PCDH15: variants seen among roughly 807,000 people sequenced by gnomAD.
The protein encoded by PCDH15 is protocadherin related 15, also known as protocadherin-15.
In PCDH15, 129 loss-of-function variants were observed where a neutral mutation model predicts 178.5. The ratio of observed to expected loss-of-function variants is 0.72; its 90% CI spans 0.63 to 0.84. The LOEUF (loss-of-function observed/expected upper bound fraction) is 0.84. Among genes scored for constraint, PCDH15 ranks in the 40% least tolerant of loss-of-function variants. The probability of loss-of-function intolerance (pLI) is 0.00; values close to 1 mark genes in which losing one functional copy is unlikely to be tolerated. For synonymous variants in PCDH15, 800 were observed against 732.0 expected, an observed-to-expected ratio of 1.09 and a Z score of -1.50; for missense variants, 2,230 against 2,099.9, an observed-to-expected ratio of 1.06 and a Z score of -1.21.
chr10:53,892,044 T>C (rs79444337), intron 26 of PCDH15, among the ~76,000 whole-genome samples: 15 of 145,030 alleles, frequency 1.0e-4, no homozygotes, highest in Admixed American at 6.8e-5. Flanking sequence ...TTTTTTTTTT[T>C]CCAAGACAGA....
chr10:54,615,254 G>A (rs1565750738), intron 2 of PCDH15, among the ~76,000 whole-genome samples: 2 of 152,132 alleles, frequency 1.3e-5, no homozygotes, highest in Non-Finnish European at 2.9e-5. Context: ...ATTTCTATTG[G>A]CAGCCATAAG....
At chr10:55,538,296 A>G (rs1338119136) in intron 2 of PCDH15, among the ~76,000 whole-genome samples, 1 of 152,232 alleles carries the variant, frequency 6.6e-6, no homozygotes, top group Non-Finnish European at 1.5e-5. Context: ...TTACAGATTT[A>G]TTGGAATCAC....
chr10:54,511,960 C>T (rs566336451), intron 3 of PCDH15, among the ~76,000 whole-genome samples: 2 of 151,996 alleles, frequency 1.3e-5, no homozygotes, highest in African/African-American at 4.8e-5. Flanking sequence ...ATACCATAAC[C>T]CTTGATTTTA....
chr10:55,315,107 A>G (rs1843689668), intron 1 of PCDH15, among the ~76,000 whole-genome samples: 2 of 152,144 alleles, frequency 1.3e-5, no homozygotes, highest in Admixed American at 6.5e-5. Flanking sequence ...TCTAGTTAAT[A>G]TATATGTGAA....
intron 33 of PCDH15, among the ~76,000 whole-genome samples, chr10:53,819,276 C>T (rs1331776585): frequency 6.6e-6 from 1 of 152,020 alleles, no homozygotes; most frequent in African/African-American, 2.4e-5. Flanking sequence ...CTTCTGACTC[C>T]TTTTATTAGC....
At chr10:54,372,848 C>G (rs1028587247) in intron 4 of PCDH15, among the ~76,000 whole-genome samples, 1 of 151,690 alleles carries the variant, frequency 6.6e-6, no homozygotes, top group Non-Finnish European at 1.5e-5. Context: ...ATACTCTGAA[C>G]GTATACTTGC....
intron 2 of PCDH15, among the ~76,000 whole-genome samples, chr10:55,559,835 T>C (rs924112844): frequency 2.6e-5 from 4 of 151,792 alleles, no homozygotes; most frequent in African/African-American, 4.8e-5. Context: ...TAAAGAAAAA[T>C]GTTTTTCAAC....
chr10:54,269,863 T>C (rs2132466227), intron 8 of PCDH15, among the ~76,000 whole-genome samples: 1 of 152,150 alleles, frequency 6.6e-6, no homozygotes, highest in South Asian at 2.1e-4. Context: ...CAAGGACCCA[T>C]AAATATTCTA....
chr10:54,964,642 T>C (rs933700310), intron 2 of PCDH15, among the ~76,000 whole-genome samples: 1 of 152,142 alleles, frequency 6.6e-6, no homozygotes, highest in Non-Finnish European at 1.5e-5. Flanking sequence ...CAAAAACCTA[T>C]AAGATCCTTA....
chr10:54,743,180 C>A (rs772499318), intron 1 of PCDH15, among the ~76,000 whole-genome samples: 16 of 151,914 alleles, frequency 1.1e-4, no homozygotes, highest in Non-Finnish European at 2.2e-4. Context: ...ATAAATGTTC[C>A]TGGATATCTT....
chr10:55,345,119 T>C (rs937536745), intron 2 of PCDH15, among the ~76,000 whole-genome samples: 1 of 151,494 alleles, frequency 6.6e-6, no homozygotes, highest in Non-Finnish European at 1.5e-5. Context: ...AAATATACTA[T>C]GTCCTAAAAG....
intron 1 of PCDH15, among the ~76,000 whole-genome samples, chr10:54,760,899 T>A (rs1163774484): frequency 1.3e-5 from 2 of 152,152 alleles, no homozygotes. Flanking sequence ...ATAAACATGC[T>A]ACTCTTCTGT....
Position 54,810,820 on chromosome 10 carries a change from CT to C in PCDH15, c.-29+86629del, listed in dbSNP as rs150369069. Reference sequence around the variant, plus strand: ...TGAATTCTGAATCAAATATGGTTTTCTTTTCAAAACATAGGCTAATTTTTGA... The same window carrying C: ...TGAATTCTGAATCAAATATGGTTTTCTTTCAAAACATAGGCTAATTTTTGA... On this transcript the variant is annotated intron_variant, in intron 3 of 5. Transcript: ENST00000458638. 3.7e-3 allele frequency among the ~76,000 whole-genome samples: 568 copies of C among 152,080 alleles called. 1 individual carries two copies. Among genetic ancestry groups the C allele is most frequent in the African/African-American group, 0.013 (546 of 41,518 alleles).
intron 1 of PCDH15, among the ~76,000 whole-genome samples, chr10:55,269,177 A>T (rs1193756099): frequency 1.3e-5 from 2 of 152,140 alleles, no homozygotes; most frequent in African/African-American, 4.8e-5. Context: ...CCAACACCAT[A>T]TGGAATGGGC....
intron 9 of PCDH15, among the ~76,000 whole-genome samples, chr10:54,215,016 A>G (rs2051856139): frequency 1.3e-5 from 2 of 152,368 alleles, no homozygotes; most frequent in East Asian, 3.9e-4. Flanking sequence ...AAGTCAAATC[A>G]TAAAATTGTA....
chr10:54,886,662 C>T (rs535864777), intron 3 of PCDH15, among the ~76,000 whole-genome samples: 107 of 152,208 alleles, frequency 7.0e-4, no homozygotes, highest in Middle Eastern at 6.8e-3. Context: ...CTCGGGAGGC[C>T]TTGGCAGGAG....
Position 54,596,165 on chromosome 10 carries a change from T to A in PCDH15, c.91+68007A>T, listed in dbSNP as rs532160027. ...ATCCCCAAGATACATAATTATCAGGTTCTGTAAGGTCAAAATGAAAGAAAA... is the reference window on the plus strand; with the variant it reads ...ATCCCCAAGATACATAATTATCAGGATCTGTAAGGTCAAAATGAAAGAAAA... On this transcript the variant is annotated intron_variant, in intron 2 of 37. Coordinates refer to ENST00000644397, the MANE Select transcript of PCDH15 (RefSeq NM_001384140.1). Among the ~76,000 whole-genome samples the A allele has an allele frequency of 9.3e-4, 142 of 152,144 alleles. 5 individuals carry two copies. The South Asian group carries it at 0.029, about 31-fold the overall frequency.
chr10:55,484,705 G>A (rs1840260341), intron 2 of PCDH15, among the ~76,000 whole-genome samples: 1 of 151,634 alleles, frequency 6.6e-6, no homozygotes, highest in Admixed American at 6.6e-5. Flanking sequence ...CAGAGAAACA[G>A]AATAGGGAAC....
Position 54,697,535 on chromosome 10 carries a change from A to G in PCDH15, c.-28-33245T>C, listed in dbSNP as rs145555332. On this transcript the variant is annotated intron_variant, in intron 1 of 37. Transcript: ENST00000644397. ...TGTGTGTATATATATATATATATATACCTCTTTACATGCTTGCAATAGTTA... is the reference window on the plus strand; with the variant it reads ...TGTGTGTATATATATATATATATATGCCTCTTTACATGCTTGCAATAGTTA... 5.0e-3 allele frequency among the ~76,000 whole-genome samples: 750 copies of G among 149,480 alleles called. 16 individuals carry two copies. Among genetic ancestry groups the G allele is most frequent in the African/African-American group, 0.018 (730 of 40,214 alleles).
Sources: allele counts gnomAD v4.1 joint callset (sites outside exome capture counted in the v4.1 genomes callset), GRCh38; gene constraint gnomAD v4.1.1; transcripts MANE v1.5; gene names NCBI Gene and HGNC (gene_info 2026-07-23, HGNC 2026-07-21).